Variants in FBXW11 observed in about 807,000 individuals in gnomAD.
FBXW11 encodes the protein F-box/WD repeat-containing protein 11.
Under a neutral mutation model 77.6 loss-of-function variants are expected in FBXW11, and 19 were observed. The observed-to-expected ratio is 0.24, with a 90% confidence interval of 0.17 to 0.36. The LOEUF (loss-of-function observed/expected upper bound fraction) is 0.36. Among genes scored for constraint, FBXW11 ranks in the 10% least tolerant of loss-of-function variants. The probability of loss-of-function intolerance (pLI) is 1.00; values close to 1 mark genes in which losing one functional copy is unlikely to be tolerated. For missense variants in FBXW11, 334 were observed against 704.2 expected, an observed-to-expected ratio of 0.47 and a Z score of 5.95; for synonymous variants, 235 against 249.4, an observed-to-expected ratio of 0.94 and a Z score of 0.54.
intron 7 of FBXW11, among the ~76,000 whole-genome samples, chr5:171,881,017 T>C (rs1758466686): frequency 6.6e-6 from 1 of 152,218 alleles, no homozygotes; most frequent in Non-Finnish European, 1.5e-5. Context: ...GTTTTTAATT[T>C]CACATTCCAC....
chr5:171,885,230 C>T (rs1160736561), intron 7 of FBXW11, among the ~76,000 whole-genome samples: 1 of 152,170 alleles, frequency 6.6e-6, no homozygotes, highest in African/African-American at 2.4e-5. Flanking sequence ...TTTCCCTTCC[C>T]GCTGCTGGAA....
intron 1 of FBXW11, among the ~76,000 whole-genome samples, chr5:171,974,430 G>C (rs902672718): frequency 4.3e-4 from 64 of 147,570 alleles, no homozygotes; most frequent in African/African-American, 1.6e-3. Context: ...GCGAAACTCC[G>C]TCTCAAAAAA....
chr5:171,872,224 CTTTT>C (rs35534907), intron 10 of FBXW11, among the ~76,000 whole-genome samples: 2 of 152,124 alleles, frequency 1.3e-5, no homozygotes, highest in Admixed American at 6.5e-5. Flanking sequence ...AAACAAAAAA[CTTTT>C]TTTAATAATC....
chr5:171,986,908 G>C (rs1765475004), intron 1 of FBXW11, among the ~76,000 whole-genome samples: 1 of 152,276 alleles, frequency 6.6e-6, no homozygotes, highest in East Asian at 1.9e-4. Context: ...AGATGAGCAG[G>C]AGGCAAAGCT....
intron 2 of FBXW11, among the ~76,000 whole-genome samples, chr5:171,935,980 G>A (rs537921480): frequency 7.3e-5 from 11 of 151,506 alleles, no homozygotes; most frequent in African/African-American, 1.2e-4. Context: ...GCATGGTGGC[G>A]GGTGCCTGTA....
rs151114597 is a variant in FBXW11 at position 172,004,139 on chromosome 5, T to G, written c.45+2319A>C. ...AATGCAGTGAAAACAGAAAGCCACA[T>G]GCAATTAGATTCTAAGGCATTATTT... On this transcript the variant is annotated intron_variant, in intron 1 of 13. Coordinates refer to ENST00000517395, the MANE Select transcript of FBXW11 (RefSeq NM_001378974.1). Among the ~76,000 whole-genome samples, 24 of 152,350 alleles carry G rather than the reference T, an allele frequency of 1.6e-4. No individual in the cohort carries two copies. In the East Asian group the frequency reaches 3.3e-3, roughly 21 times the overall value.
intron 9 of FBXW11, among the ~76,000 whole-genome samples, chr5:171,875,293 A>T (rs997843784): frequency 6.6e-6 from 1 of 152,174 alleles, no homozygotes; most frequent in East Asian, 1.9e-4. Context: ...CTGATGATAC[A>T]TGCTACAAAG....
intron 2 of FBXW11, among the ~76,000 whole-genome samples, chr5:171,929,172 C>T (rs1157783129): frequency 1.3e-5 from 2 of 152,070 alleles, no homozygotes; most frequent in African/African-American, 4.8e-5. Flanking sequence ...GAGTTCAAGA[C>T]CAGCCTGGCA....
chr5:171,951,037 G>A (rs1171803038), intron 2 of FBXW11, among the ~76,000 whole-genome samples: 6 of 152,004 alleles, frequency 3.9e-5, no homozygotes, highest in Non-Finnish European at 1.5e-5. Context: ...GGAAGGAAGG[G>A]ATTAGAAGGG....
At chr5:171,991,986 A>T (rs1561756187) in intron 1 of FBXW11, among the ~76,000 whole-genome samples, 1 of 152,028 alleles carries the variant, frequency 6.6e-6, no homozygotes, top group Non-Finnish European at 1.5e-5. Context: ...GTGGTGGTGC[A>T]CGCCTGTAGT....
Position 172,006,611 on chromosome 5 carries a change from T to C in FBXW11, c.-109A>G, listed in dbSNP as rs912737482. On this transcript the variant is annotated 5_prime_UTR_variant, in exon 1 of 14. Coordinates refer to ENST00000517395, the MANE Select transcript of FBXW11 (RefSeq NM_001378974.1). ...GCGGAGGCGGCTATCGCACCCACTC[T>C]AGCTGCCAGCCCGCCCGGGCCGCCG... The C allele has an allele frequency of 2.3e-4, 308 of 1,317,986 alleles. 1 individual carries two copies. Among genetic ancestry groups the C allele is most frequent in the Non-Finnish European group, 2.8e-4 (290 of 1,032,478 alleles). 81.6% of individuals were successfully genotyped at this position (1,317,986 alleles called of 1,614,324 possible).
chr5:171,950,912 T>G (rs931318064), intron 2 of FBXW11, among the ~76,000 whole-genome samples: 1 of 152,022 alleles, frequency 6.6e-6, no homozygotes, highest in Non-Finnish European at 1.5e-5. Context: ...TAAATAATTT[T>G]TTTTTAATTT....
At chr5:172,003,040 TGAA>T (rs934001569) in intron 1 of FBXW11, 1 of 152,166 alleles carries the variant, frequency 6.6e-6, no homozygotes, top group Non-Finnish European at 1.5e-5. Context: ...ATTACTTCAT[TGAA>T]CAAGTAATAC....
chr5:171,878,226 C>T lies in FBXW11; in HGVS notation c.853-97G>A, dbSNP rs1758233264. The T allele has an allele frequency of 3.6e-6, 3 of 832,480 alleles. No individual in the cohort carries two copies. The Admixed American group carries it at 7.1e-5, about 20-fold the overall frequency. The allele number at this position is 832,480 out of a possible 1,614,324, so 51.6% of individuals were successfully genotyped here. A position where few individuals can be genotyped will look rare whatever the true frequency, so the allele number is the denominator to read the frequency against. ...TATGTTCTGATTATAAAATAAAACA[C>T]ACTTGGGTTACAGTAAATAAGAAAC... On this transcript the variant is annotated intron_variant, in intron 7 of 13. Coordinates refer to ENST00000517395, the MANE Select transcript of FBXW11 (RefSeq NM_001378974.1).
chr5:171,877,719 T>G (rs1417228993), intron 8 of FBXW11, among the ~76,000 whole-genome samples: 1 of 152,078 alleles, frequency 6.6e-6, no homozygotes, highest in African/African-American at 2.4e-5. Flanking sequence ...GAGTGTCTCC[T>G]CTCTGCTCTG....
Position 171,869,724 on chromosome 5 carries a change from C to T in FBXW11, c.1530+5G>A. Reference sequence around the variant, plus strand: ...AACCAATTCCCGTCTCAAGAGATCACATACCACCAATGTGCGCAAACACAA... The same window carrying T: ...AACCAATTCCCGTCTCAAGAGATCATATACCACCAATGTGCGCAAACACAA... On this transcript the variant is annotated splice_donor_5th_base_variant and intron_variant, in intron 12 of 13. Transcript: ENST00000517395. This position sits in a 1 kb window ranked among gnomAD's most constrained non-coding sequence, Gnocchi z 4.1. 5 of 1,605,874 alleles carry T rather than the reference C, an allele frequency of 3.1e-6. No homozygotes were observed. The Admixed American group carries it at 6.8e-5, about 22-fold the overall frequency.
rs982596459 is a variant in FBXW11, at chr5:171,915,650, T to TGTGTGTGTGTGTGTGA, written c.148-1246_148-1245insTCACACACACACACAC. On this transcript the variant is annotated intron_variant, in intron 2 of 13. Transcript: ENST00000517395. ...GTGTGTGTGTGTGTGTGTGTGTGTG[T>TGTGTGTGTGTGTGTGA]GAGCCTGAGCAAGTTCTTTTACCAT... Among the ~76,000 whole-genome samples the TGTGTGTGTGTGTGTGA allele has an allele frequency of 8.0e-4, 121 of 151,312 alleles. 1 individual carries two copies. The highest frequency in any genetic ancestry group is 3.8e-3 in the Admixed American group (58 of 15,164).
chr5:172,002,748 A>G lies in FBXW11; in HGVS notation c.45+3710T>C, dbSNP rs1176087350. On this transcript the variant is annotated intron_variant, in intron 1 of 13. Coordinates refer to ENST00000517395, the MANE Select transcript of FBXW11 (RefSeq NM_001378974.1). ...TGTCTTGCTCTGTTACCCAGGCTGGAGTGCAGTGGCACAATCACAGGTCAC... is the reference window on the plus strand; with the variant it reads ...TGTCTTGCTCTGTTACCCAGGCTGGGGTGCAGTGGCACAATCACAGGTCAC... Among the ~76,000 whole-genome samples the G allele has an allele frequency of 5.0e-5, 6 of 119,862 alleles. No homozygotes were observed. The South Asian group carries it at 1.5e-3, about 30-fold the overall frequency. 78.6% of individuals were successfully genotyped at this position (119,862 alleles called of 152,430 possible).
At chr5:171,983,298 C>T (rs1469530906) in intron 1 of FBXW11, among the ~76,000 whole-genome samples, 1 of 152,166 alleles carries the variant, frequency 6.6e-6, no homozygotes, top group African/African-American at 2.4e-5. Flanking sequence ...TGCCCCATAC[C>T]TCACCCTACA....
Sources: allele counts gnomAD v4.1 joint callset (sites outside exome capture counted in the v4.1 genomes callset), GRCh38; gene constraint gnomAD v4.1.1; non-coding constraint Gnocchi (gnomAD v3.1); transcripts MANE v1.5; gene names NCBI Gene and HGNC (gene_info 2026-07-23, HGNC 2026-07-21).